Variants in SLC26A5 observed in about 807,000 individuals in gnomAD.
The protein encoded by SLC26A5 is solute carrier family 26 member 5.
SLC26A5 carries 51 observed loss-of-function variants against 81.0 expected under a neutral mutation model. That is an observed-to-expected ratio of 0.63 (90% CI 0.50 to 0.80). The LOEUF (loss-of-function observed/expected upper bound fraction) is 0.80, where lower values mean the gene tolerates loss of function less well. Ranked by LOEUF, SLC26A5 falls within the 30% of genes least tolerant of loss-of-function variation. SLC26A5 has a pLI of 0.00. For missense variants in SLC26A5, 771 were observed against 905.8 expected (o/e 0.85, Z 1.91); for synonymous variants, 325 against 332.8 (o/e 0.98, Z 0.25).
chr7:103,397,131 G>A (rs1823179200), intron 9 of SLC26A5, among the ~76,000 whole-genome samples: 2 of 149,518 alleles, frequency 1.3e-5, no homozygotes, highest in South Asian at 4.2e-4. Context: ...AAGCACAGTG[G>A]CTCACACCTG....
chr7:103,368,928 C>CAG (rs58622985), intron 19 of SLC26A5: 147,932 of 152,182 alleles, frequency 0.97, 72,056 homozygotes, highest in East Asian at 1. Context: ...GAATCCTCAA[C>CAG]ATCTCTTTAA....
At chr7:103,385,952 G>A (rs1327536622) in intron 14 of SLC26A5, among the ~76,000 whole-genome samples, 3 of 149,638 alleles carry the variant, frequency 2.0e-5, no homozygotes, top group African/African-American at 7.5e-5. Flanking sequence ...TTTTGAGATA[G>A]GCTCTCACTC....
intron 8 of SLC26A5, among the ~76,000 whole-genome samples, chr7:103,402,788 T>C (rs1655418105): frequency 6.6e-6 from 1 of 152,176 alleles, no homozygotes; most frequent in South Asian, 2.1e-4. Context: ...GTCTGGCTAA[T>C]AGTCTATCTA....
chr7:103,369,606 T>C (rs1401680668), downstream of SLC26A5, among the ~76,000 whole-genome samples: 1 of 152,262 alleles, frequency 6.6e-6, no homozygotes, highest in Admixed American at 6.5e-5. Context: ...GGCATATTTA[T>C]GCAGGTAGCA....
downstream of SLC26A5, among the ~76,000 whole-genome samples, chr7:103,370,824 C>T (rs1417144640): frequency 1.3e-5 from 2 of 152,222 alleles, no homozygotes; most frequent in Non-Finnish European, 2.9e-5. Flanking sequence ...TCATACTGCA[C>T]GAGATTTCAG....
intron 19 of SLC26A5, chr7:103,362,779 A>T (rs950934675): frequency 4.6e-6 from 7 of 1,517,386 alleles, no homozygotes; most frequent in Non-Finnish European, 6.4e-6. Context: ...ATGGGAGGGA[A>T]AAGGAAGGCT....
At chr7:103,430,668 G>A (rs1463727174) in intron 2 of SLC26A5, among the ~76,000 whole-genome samples, 3 of 152,190 alleles carry the variant, frequency 2.0e-5, no homozygotes, top group Admixed American at 6.5e-5. Context: ...AGGCAGGCAC[G>A]TGATTTTGCA....
intron 14 of SLC26A5, among the ~76,000 whole-genome samples, chr7:103,382,162 T>C (rs1821849270): frequency 2.0e-5 from 3 of 152,126 alleles, no homozygotes; most frequent in African/African-American, 7.2e-5. Flanking sequence ...AGAACTGTCT[T>C]TCTGCTCTAA....
At chr7:103,398,542 G>C (rs1288826865) in intron 8 of SLC26A5, among the ~76,000 whole-genome samples, 1 of 152,164 alleles carries the variant, frequency 6.6e-6, no homozygotes, top group Admixed American at 6.5e-5. Context: ...CAGCTACAAA[G>C]TCAGGGTAGA....
At chr7:103,436,782 CA>C (rs1298042042) in intron 2 of SLC26A5, among the ~76,000 whole-genome samples, 2 of 152,148 alleles carry the variant, frequency 1.3e-5, no homozygotes, top group Non-Finnish European at 2.9e-5. Flanking sequence ...ATACTATATG[CA>C]AAAACCAACT....
chr7:103,411,507 T>C lies in SLC26A5; in HGVS notation c.483A>G (p.Gly161=). The change falls in exon 6 of 20, where the codon GGA becomes GGG. Residue 161 remains glycine, a synonymous_variant. Coordinates refer to ENST00000306312, the MANE Select transcript of SLC26A5 (RefSeq NM_198999.3). ...CCTCTGTGCCATTGGTTGCATTTACTCCTCCTGGAATGACTATATCATCTG... is the reference window on the plus strand; with the variant it reads ...CCTCTGTGCCATTGGTTGCATTTACCCCTCCTGGAATGACTATATCATCTG... ...LVPDDIVIPG[G]VNATNGTEAR... The C allele has an allele frequency of 6.2e-6, 10 of 1,614,180 alleles. No individual in the cohort carries two copies. The highest frequency in any genetic ancestry group is 8.5e-6 in the Non-Finnish European group (10 of 1,180,022).
rs5886254 is a variant in SLC26A5 at position 103,431,866 on chromosome 7, C to CT, written c.-53-10300dup. Among the ~76,000 whole-genome samples the CT allele has an allele frequency of 5.6e-4, 83 of 148,284 alleles. 1 individual carries two copies. The highest frequency in any genetic ancestry group is 2.8e-3 in the East Asian group (14 of 5,086). Reference sequence around the variant, plus strand: ...TGCTCTAAGTAATAAAATTATATGGCTTTTTTTTTTTACTTATCAAGTTTA... The same window carrying CT: ...TGCTCTAAGTAATAAAATTATATGGCTTTTTTTTTTTTACTTATCAAGTTTA... On this transcript the variant is annotated intron_variant, in intron 2 of 19. Transcript: ENST00000306312.
At chr7:103,401,037 TA>T (rs1342939436) in intron 8 of SLC26A5, among the ~76,000 whole-genome samples, 3 of 152,232 alleles carry the variant, frequency 2.0e-5, no homozygotes, top group African/African-American at 7.2e-5. Context: ...TTGTCTTGGC[TA>T]TGCGGGCCCT....
chr7:103,411,601 C>A lies in SLC26A5; in HGVS notation c.404-15G>T. 6.2e-7 allele frequency: 1 copy of A among 1,614,020 alleles called. No homozygotes were observed. The highest frequency in any genetic ancestry group is 1.1e-5 in the South Asian group (1 of 91,076). On this transcript the variant is annotated splice_polypyrimidine_tract_variant and intron_variant, in intron 5 of 19. Transcript: ENST00000306312. The stretch of plus-strand genomic sequence containing the variant: ...AGCAAAAGGACCTGAAATAATGAAG[C>A]ATGAAGATCCCTGTTCAGGGTTCAG...
intron 19 of SLC26A5, chr7:103,352,998 A>G (rs1819810862): frequency 5.1e-6 from 4 of 778,870 alleles, no homozygotes; most frequent in South Asian, 4.0e-5. Context: ...TCTATTTGCA[A>G]ATGACCATGA....
At chr7:103,419,953 G>A (rs1032137459) in intron 4 of SLC26A5, among the ~76,000 whole-genome samples, 1 of 152,090 alleles carries the variant, frequency 6.6e-6, no homozygotes, top group South Asian at 2.1e-4. Flanking sequence ...GCCTTGATTG[G>A]ATGGTTAGTG....
At chr7:103,364,163 T>C in intron 19 of SLC26A5, 1 of 1,614,060 alleles carries the variant, frequency 6.2e-7, no homozygotes, top group Non-Finnish European at 8.5e-7. Context: ...TTGTGAACCT[T>C]GGCATTGAGC....
chr7:103,381,444 C>T (rs765100267), intron 14 of SLC26A5, among the ~76,000 whole-genome samples: 2 of 150,790 alleles, frequency 1.3e-5, no homozygotes, highest in African/African-American at 2.4e-5. Flanking sequence ...ACACAATATA[C>T]ACAATCACAC....
chr7:103,361,805 G>C, intron 19 of SLC26A5: 1 of 657,680 alleles, frequency 1.5e-6, no homozygotes, highest in Non-Finnish European at 2.3e-6. Context: ...GACCTTTGGA[G>C]TTGGGTATAG....
Sources: gnomAD v4.1 joint callset for allele counts (sites outside exome capture counted in the v4.1 genomes callset) on GRCh38, gnomAD v4.1.1 for gene constraint, MANE v1.5 for transcripts, NCBI Gene and HGNC (gene_info 2026-07-23, HGNC 2026-07-21) for gene names.